LHFPL6: variants seen among roughly 807,000 people sequenced by gnomAD.
The protein encoded by LHFPL6 is LHFPL tetraspan subfamily member 6.
LHFPL6 carries 9 observed loss-of-function variants against 20.6 expected under a neutral mutation model. The ratio of observed to expected loss-of-function variants is 0.44; its 90% CI spans 0.26 to 0.76. LHFPL6 has a LOEUF of 0.76. Among genes scored for constraint, LHFPL6 ranks in the 30% least tolerant of loss-of-function variants. The pLI, the probability that LHFPL6 is intolerant of heterozygous loss-of-function variation, is 0.20. For synonymous variants in LHFPL6, 105 were observed against 98.7 expected (o/e 1.06, Z -0.38); for missense variants, 218 against 253.5 (o/e 0.86, Z 0.95).
intron 2 of LHFPL6, among the ~76,000 whole-genome samples, chr13:39,527,045 T>C (rs575739110): frequency 1.3e-5 from 2 of 152,336 alleles, no homozygotes; most frequent in South Asian, 4.1e-4. Flanking sequence ...CCTCTACTTT[T>C]AGAGAGCAGC....
intron 2 of LHFPL6, among the ~76,000 whole-genome samples, chr13:39,575,800 C>G (rs1418324091): frequency 6.6e-6 from 1 of 152,196 alleles, no homozygotes; most frequent in Admixed American, 6.5e-5. Context: ...TGTCTCACTT[C>G]TAACCACAGG....
intron 3 of LHFPL6, among the ~76,000 whole-genome samples, chr13:39,348,416 G>T (rs1213181837): frequency 2.0e-5 from 3 of 152,150 alleles, no homozygotes; most frequent in African/African-American, 7.2e-5. Flanking sequence ...GTGCACACCG[G>T]GCTTTCTTCC....
rs145976702 is a variant in LHFPL6 at position 39,550,265 on chromosome 13, G to C, written c.385+50567C>G. On this transcript the variant is annotated intron_variant, in intron 2 of 3. Transcript: ENST00000379589. ...ACTGATTGTCAGAGCAGGTGGAAGG[G>C]TTGACTAGAAAGGACTTGAGGGAAC... 6.5e-4 allele frequency among the ~76,000 whole-genome samples: 99 copies of C among 152,182 alleles called. 1 individual carries two copies. The highest frequency in any genetic ancestry group is 2.4e-3 in the African/African-American group (98 of 41,480).
intron 2 of LHFPL6, among the ~76,000 whole-genome samples, chr13:39,400,153 G>T (rs749928811): frequency 6.6e-6 from 1 of 152,128 alleles, no homozygotes; most frequent in African/African-American, 2.4e-5. Flanking sequence ...AAGAAAGCAG[G>T]CCTAAGTAAG....
At chr13:39,351,717 C>A (rs191425525) in intron 3 of LHFPL6, among the ~76,000 whole-genome samples, 3 of 152,234 alleles carry the variant, frequency 2.0e-5, no homozygotes, top group Non-Finnish European at 2.9e-5. Context: ...GGAGTACGCA[C>A]CCGTAATAAT....
intron 3 of LHFPL6, among the ~76,000 whole-genome samples, chr13:39,352,469 G>A (rs1335378933): frequency 6.6e-6 from 1 of 152,126 alleles, no homozygotes; most frequent in African/African-American, 2.4e-5. Flanking sequence ...ACTGTAACTC[G>A]GGCAGTTCCT....
At chr13:39,533,920 A>G (rs1870541108) in intron 2 of LHFPL6, among the ~76,000 whole-genome samples, 1 of 152,176 alleles carries the variant, frequency 6.6e-6, no homozygotes, top group African/African-American at 2.4e-5. Context: ...TTTAGGGTAG[A>G]ACATTGGGTT....
intron 2 of LHFPL6, among the ~76,000 whole-genome samples, chr13:39,553,451 C>T (rs1333205423): frequency 1.3e-5 from 2 of 152,174 alleles, no homozygotes; most frequent in East Asian, 1.9e-4. Context: ...CAGGCTCACA[C>T]CTCTTATCAC....
chr13:39,365,299 C>A lies in LHFPL6; in HGVS notation c.484+13129G>T, dbSNP rs144275878. Among the ~76,000 whole-genome samples the A allele has an allele frequency of 2.0e-5, 3 of 152,220 alleles. No homozygotes were observed. The East Asian group carries it at 5.8e-4, about 29-fold the overall frequency. On this transcript the variant is annotated intron_variant, in intron 3 of 3. Coordinates refer to ENST00000379589, the MANE Select transcript of LHFPL6 (RefSeq NM_005780.3). ...ATTAATCTGCCCTCCCTGTCTGTAC[C>A]GGTCATACTACCACTGGCCACCAAG... is the stretch of plus-strand genomic sequence containing the variant.
intron 2 of LHFPL6, among the ~76,000 whole-genome samples, chr13:39,600,164 C>G (rs576350895): frequency 5.3e-5 from 8 of 152,260 alleles, no homozygotes; most frequent in Non-Finnish European, 8.8e-5. Flanking sequence ...TCCAGTCCAT[C>G]TGGGACAAGC....
intron 2 of LHFPL6, among the ~76,000 whole-genome samples, chr13:39,513,243 C>A (rs1280486378): frequency 6.6e-6 from 1 of 152,162 alleles, no homozygotes; most frequent in Non-Finnish European, 1.5e-5. Flanking sequence ...GTTAAAAGAG[C>A]TGCTTAACTG....
intron 2 of LHFPL6, among the ~76,000 whole-genome samples, chr13:39,597,558 G>A (rs1054366929): frequency 6.6e-6 from 1 of 152,036 alleles, no homozygotes; most frequent in Admixed American, 6.5e-5. Context: ...ATTTTACATT[G>A]TATTTCCCCA....
intron 2 of LHFPL6, among the ~76,000 whole-genome samples, chr13:39,546,837 C>G (rs555838613): frequency 1.3e-5 from 2 of 152,132 alleles, no homozygotes; most frequent in African/African-American, 4.8e-5. Context: ...TCTCTGCTTC[C>G]AGTCATGTCA....
chr13:39,507,634 C>T (rs1869531141), intron 2 of LHFPL6, among the ~76,000 whole-genome samples: 1 of 152,048 alleles, frequency 6.6e-6, no homozygotes, highest in Non-Finnish European at 1.5e-5. Context: ...GAAATTGCTG[C>T]AGTTTGTATC....
chr13:39,401,701 A>G (rs1330055102), intron 2 of LHFPL6, among the ~76,000 whole-genome samples: 1 of 152,186 alleles, frequency 6.6e-6, no homozygotes, highest in East Asian at 1.9e-4. Flanking sequence ...CACTACCATA[A>G]GCAATTAGTC....
At chr13:39,516,544 A>G (rs1927209) in intron 2 of LHFPL6, among the ~76,000 whole-genome samples, 13,136 of 152,296 alleles carry the variant, frequency 0.086, 639 homozygotes, top group East Asian at 0.25. Flanking sequence ...TGGTGTGGAG[A>G]ACCCTTAAAC....
At chr13:39,378,604 G>T in intron 2 of LHFPL6, 78 bp from the exon 3 acceptor site, 1 of 1,094,272 alleles carries the variant, frequency 9.1e-7, no homozygotes, top group Non-Finnish European at 1.4e-6. Flanking sequence ...TCAATATTTA[G>T]CAATATAACA....
chr13:39,494,752 A>G (rs927514), intron 2 of LHFPL6, among the ~76,000 whole-genome samples: 1 of 152,198 alleles, frequency 6.6e-6, no homozygotes, highest in Non-Finnish European at 1.5e-5. Flanking sequence ...TTTAAGATTT[A>G]ATTGGAATCA....
At chr13:39,452,019 C>T (rs183547292) in intron 2 of LHFPL6, among the ~76,000 whole-genome samples, 48 of 151,942 alleles carry the variant, frequency 3.2e-4, no homozygotes, top group Admixed American at 2.7e-3. Context: ...TGAATATGAT[C>T]TTCATCAAGG....
Sources: gnomAD v4.1 joint callset for allele counts (sites outside exome capture counted in the v4.1 genomes callset) on GRCh38, gnomAD v4.1.1 for gene constraint, MANE v1.5 for transcripts, NCBI Gene and HGNC (gene_info 2026-07-23, HGNC 2026-07-21) for gene names.